SYNE2: variants seen among roughly 807,000 people sequenced by gnomAD.
SYNE2 encodes spectrin repeat containing nuclear envelope protein 2.
SYNE2 carries 431 observed loss-of-function variants against 856.3 expected under a neutral mutation model. That is an observed-to-expected ratio of 0.50 (90% CI 0.47 to 0.55). The LOEUF is 0.55. Ranked by LOEUF, SYNE2 falls within the 20% of genes least tolerant of loss-of-function variation. SYNE2 has a pLI of 0.00. For synonymous variants in SYNE2, 2,923 were observed against 2,872.3 expected (o/e 1.02, Z -0.56); for missense variants, 8,129 against 8,023.2 (o/e 1.01, Z -0.50).
At chr14:64,202,736 TG>T (rs2098580242) in intron 99 of SYNE2, 64 bp from the exon 100 acceptor site, 2 of 1,607,594 alleles carry the variant, frequency 1.2e-6, no homozygotes, top group Middle Eastern at 3.3e-4. Flanking sequence ...CACTAAGTAT[TG>T]GGCTTTTGTT....
chr14:64,062,918 A>G, intron 50 of SYNE2, 23 bp downstream of exon 50: 4 of 1,614,048 alleles, frequency 2.5e-6, no homozygotes, highest in Non-Finnish European at 3.4e-6. Context: ...GCAATTAGCC[A>G]GTAAGTCTGT....
chr14:63,933,876 C>T (rs1343817148), intron 2 of SYNE2, among the ~76,000 whole-genome samples: 1 of 152,096 alleles, frequency 6.6e-6, no homozygotes, highest in Non-Finnish European at 1.5e-5. Flanking sequence ...ATGGGTCAGC[C>T]TTTGAAAAGA....
intron 99 of SYNE2, among the ~76,000 whole-genome samples, chr14:64,194,695 A>G (rs1054787004): frequency 1.5e-4 from 23 of 152,204 alleles, no homozygotes; most frequent in African/African-American, 3.9e-4. Flanking sequence ...AGAACTGCCA[A>G]TATGTGTGTT....
chr14:64,081,361 C>T (rs748584181), intron 56 of SYNE2, 82 bp from the exon 57 acceptor site: 10 of 1,573,440 alleles, frequency 6.4e-6, no homozygotes, highest in Non-Finnish European at 8.7e-6. Context: ...CCCTGACTAA[C>T]AGCTATTGAC....
intron 17 of SYNE2, 133 bp from the exon 18 acceptor site, chr14:63,983,604 C>T (rs926988634): frequency 4.0e-6 from 3 of 743,664 alleles, no homozygotes; most frequent in Admixed American, 5.7e-5. Flanking sequence ...GTGAAATGCT[C>T]ATATTTTATA....
At chr14:64,200,008 A>G (rs1298300072) in intron 99 of SYNE2, among the ~76,000 whole-genome samples, 1 of 151,826 alleles carries the variant, frequency 6.6e-6, no homozygotes, top group Non-Finnish European at 1.5e-5. Context: ...CGTGTTGCAC[A>G]CCTAACCCCC....
chr14:64,104,049 A>G (rs957842231), intron 64 of SYNE2, among the ~76,000 whole-genome samples: 29 of 152,194 alleles, frequency 1.9e-4, no homozygotes, highest in African/African-American at 4.1e-4. Flanking sequence ...TCAGCTCAGT[A>G]TGGTACTTTA....
intron 94 of SYNE2, 139 bp downstream of exon 94, chr14:64,170,601 T>A: frequency 1.2e-6 from 1 of 854,482 alleles, no homozygotes; most frequent in Non-Finnish European, 1.9e-6. Flanking sequence ...CAAGGTGCAG[T>A]CACCACCCCC....
intron 1 of SYNE2, among the ~76,000 whole-genome samples, chr14:63,884,994 A>G (rs578084827): frequency 6.6e-6 from 1 of 152,240 alleles, no homozygotes; most frequent in Admixed American, 6.5e-5. Context: ...TTCAGAGCTT[A>G]ATGTGGTGGA....
intron 98 of SYNE2, among the ~76,000 whole-genome samples, chr14:64,189,380 G>T (rs1027557698): frequency 6.6e-6 from 1 of 151,542 alleles, no homozygotes; most frequent in Non-Finnish European, 1.5e-5. Context: ...GAGGCCAACA[G>T]CAGTGAGGCT....
intron 3 of SYNE2, 132 bp from the exon 4 acceptor site, chr14:63,941,563 C>T (rs895504566): frequency 2.4e-5 from 18 of 737,714 alleles, no homozygotes; most frequent in Non-Finnish European, 3.9e-5. Flanking sequence ...TGCATGTTCT[C>T]TCTCATTCTC....
In SYNE2 at chr14:64,031,170, G is replaced by A. The variant is rs774356639; in HGVS notation, c.7034G>A (p.Arg2345Lys). The A allele has an allele frequency of 1.2e-5, 19 of 1,614,082 alleles. No individual in the cohort carries two copies. In the East Asian group the frequency reaches 4.0e-4, roughly 34 times the overall value. Residue 2345 changes from arginine to lysine, a missense_variant, in exon 45 of 116, where the codon AGG becomes AAG. Transcript: ENST00000555002. ...LQCKQKDLEN[R>K]LASAKQEMEC... ...TGTAAACAAAAAGATTTGGAAAACA[G>A]GCTTGCATCTGCTAAGCAGGAGATG... is the stretch of plus-strand genomic sequence containing the variant.
chr14:64,070,019 C>G (rs75383647), intron 51 of SYNE2, among the ~76,000 whole-genome samples: 4,503 of 152,204 alleles, frequency 0.03, 101 homozygotes, highest in Admixed American at 0.065. Context: ...ATTCAGGGGC[C>G]TTTGAGACTT....
intron 12 of SYNE2, among the ~76,000 whole-genome samples, 172 bp downstream of exon 12, chr14:63,976,899 C>A (rs1403874540): frequency 6.6e-6 from 1 of 151,618 alleles, no homozygotes; most frequent in African/African-American, 2.4e-5. Context: ...ACCTTCATGA[C>A]CATTGTGTTA....
At chr14:63,863,720 T>C (rs970365651) in intron 1 of SYNE2, among the ~76,000 whole-genome samples, 5 of 152,172 alleles carry the variant, frequency 3.3e-5, no homozygotes, top group African/African-American at 1.2e-4. Context: ...TTCAAAAATT[T>C]GAGATAGTGA....
At chr14:64,057,907 G>T (rs1017191880) in intron 49 of SYNE2, among the ~76,000 whole-genome samples, 3 of 152,124 alleles carry the variant, frequency 2.0e-5, no homozygotes, top group African/African-American at 7.2e-5. Context: ...TTTGCCATTT[G>T]TATGTCTTCT....
chr14:64,216,191 A>G, intron 107 of SYNE2, 57 bp from the exon 108 acceptor site: 1 of 1,611,226 alleles, frequency 6.2e-7, no homozygotes. Context: ...ATGCCATGTC[A>G]CCCGTGACCC....
At position 63,829,250 on chromosome 14, in the gene SYNE2, G is replaced by A. The variant is rs536955446; in HGVS notation, c.-304-23251G>A. On this transcript the variant is annotated intron_variant, in intron 1 of 23. Coordinates refer to the SYNE2 transcript ENST00000674003. ...CAACATAATGAGACCCCATCTCTAC[G>A]AAAAAAGTTTTAAAAAACGAGCTGG... Among the ~76,000 whole-genome samples the A allele has an allele frequency of 3.3e-5, 5 of 151,896 alleles. No homozygotes were observed. In the South Asian group the frequency reaches 6.2e-4, roughly 19 times the overall value.
chr14:63,989,512 A>G (rs2096651072), intron 19 of SYNE2, among the ~76,000 whole-genome samples: 1 of 151,862 alleles, frequency 6.6e-6, no homozygotes, highest in Non-Finnish European at 1.5e-5. Context: ...TAATTTTTGT[A>G]TTTTTAGTAG....
Sources: gnomAD v4.1 joint callset for allele counts (sites outside exome capture counted in the v4.1 genomes callset) on GRCh38, gnomAD v4.1.1 for gene constraint, MANE v1.5 for transcripts, NCBI Gene and HGNC (gene_info 2026-07-23, HGNC 2026-07-21) for gene names.